The following WDFY3 variants were observed in gnomAD, a reference collection of about 807,000 sequenced individuals.
The protein encoded by WDFY3 is WD repeat and FYVE domain containing 3.
WDFY3 carries 66 observed loss-of-function variants against 409.6 expected under a neutral mutation model. The ratio of observed to expected loss-of-function variants is 0.16; its 90% CI spans 0.13 to 0.20. The LOEUF (loss-of-function observed/expected upper bound fraction) is 0.20. Among genes scored for constraint, WDFY3 ranks in the 10% least tolerant of loss-of-function variants. WDFY3 has a pLI of 1.00. For missense variants in WDFY3, 3,031 were observed against 4,298.1 expected (o/e 0.71, Z 8.24); for synonymous variants, 1,521 against 1,537.1 (o/e 0.99, Z 0.25).
intron 1 of WDFY3, among the ~76,000 whole-genome samples, chr4:84,936,351 T>C (rs931438664): frequency 2.6e-5 from 4 of 152,058 alleles, no homozygotes; most frequent in African/African-American, 7.2e-5. Flanking sequence ...TGAGACCCCA[T>C]CTCTACAAAA....
intron 5 of WDFY3, chr4:84,844,365 C>A: frequency 8.4e-7 from 1 of 1,188,188 alleles, no homozygotes; most frequent in Non-Finnish European, 1.1e-6. Context: ...AAAAATTCCA[C>A]AAGTTAGTCA....
intron 7 of WDFY3, among the ~76,000 whole-genome samples, chr4:84,836,462 G>C (rs935304609): frequency 2.0e-5 from 3 of 152,066 alleles, no homozygotes; most frequent in African/African-American, 7.2e-5. Flanking sequence ...TGCTAACAGT[G>C]GGAAAGAAGA....
intron 2 of WDFY3, among the ~76,000 whole-genome samples, chr4:84,920,528 C>T (rs1489470625): frequency 6.6e-6 from 1 of 152,050 alleles, no homozygotes; most frequent in Non-Finnish European, 1.5e-5. Context: ...GGACAAATGG[C>T]TAACAATAGA....
At chr4:84,838,818 C>A (rs890058081) in intron 6 of WDFY3, among the ~76,000 whole-genome samples, 1 of 152,174 alleles carries the variant, frequency 6.6e-6, no homozygotes, top group Non-Finnish European at 1.5e-5. Flanking sequence ...TCTACCCTCA[C>A]TTTCAAAATG....
At chr4:84,939,251 G>T (rs555187337) in intron 1 of WDFY3, among the ~76,000 whole-genome samples, 1 of 152,116 alleles carries the variant, frequency 6.6e-6, no homozygotes, top group Non-Finnish European at 1.5e-5. Context: ...TTAAATTCAG[G>T]TTATGCAGTC....
At chr4:84,692,861 A>T (rs778326104) in intron 59 of WDFY3, 24 bp downstream of exon 59, 18 of 1,571,362 alleles carry the variant, frequency 1.1e-5, no homozygotes, top group Non-Finnish European at 1.5e-5. Flanking sequence ...TCATTAATCA[A>T]AAGTTTATTT....
chr4:84,761,439 C>A (rs915081355), intron 32 of WDFY3, among the ~76,000 whole-genome samples: 16 of 152,080 alleles, frequency 1.1e-4, no homozygotes, highest in Non-Finnish European at 2.2e-4. Flanking sequence ...GTGTGGGAGT[C>A]TAAGTCTCTT....
Position 84,787,646 on chromosome 4 carries a change from T to G in WDFY3, c.3737A>C (p.Tyr1246Ser). The G allele has an allele frequency of 6.2e-7, 1 of 1,614,158 alleles. No homozygotes were observed. The highest frequency in any genetic ancestry group is 8.5e-7 in the Non-Finnish European group (1 of 1,180,000). ...GGCAGGTGGAGTACCAATGTAGGCA[T>G]AGACCGTGCTCACCACTGGTGGATT... ...SANPPVVSTV[Y>S]AYIGTPPAQR... The change falls in exon 23 of 68, where the codon TAT becomes TCT. Residue 1246 changes from tyrosine to serine, a missense_variant. Tyr to Ser is a moderately radical substitution (Grantham distance 144). Around this residue, in one of 16 missense-constraint regions of WDFY3, gnomAD observed 1,322 missense variants for 1,697.9 expected, o/e 0.78. Coordinates refer to ENST00000295888, the MANE Select transcript of WDFY3 (RefSeq NM_014991.6).
At chr4:84,789,256 A>G (rs1748064769) in intron 22 of WDFY3, among the ~76,000 whole-genome samples, 1 of 152,164 alleles carries the variant, frequency 6.6e-6, no homozygotes, top group Non-Finnish European at 1.5e-5. Context: ...TCATTCAAGA[A>G]ACAATAAACT....
Position 84,789,922 on chromosome 4 carries a change from G to A in WDFY3, c.3488-15C>T, listed in dbSNP as rs1055523025. 1 of 1,612,442 alleles carries A rather than the reference G, an allele frequency of 6.2e-7. No individual in the cohort carries two copies. Among genetic ancestry groups the A allele is most frequent in the Non-Finnish European group, 8.5e-7 (1 of 1,179,162 alleles). ...AAAATCATCAACTGAAATAAAGGGG[G>A]GAAGACATAAAAACTTTTTCCAACA... On this transcript the variant is annotated splice_polypyrimidine_tract_variant and intron_variant, in intron 21 of 67. Transcript: ENST00000295888.
At chr4:84,779,748 A>G (rs1746189456) in intron 26 of WDFY3, among the ~76,000 whole-genome samples, 1 of 152,226 alleles carries the variant, frequency 6.6e-6, no homozygotes. Context: ...CAATCCTTTC[A>G]GGAAGGGGGA....
intron 2 of WDFY3, among the ~76,000 whole-genome samples, chr4:84,925,708 C>G (rs1769886473): frequency 6.6e-6 from 1 of 152,040 alleles, no homozygotes; most frequent in African/African-American, 2.4e-5. Flanking sequence ...GTAATTAATA[C>G]AGTGGTCATG....
intron 13 of WDFY3, among the ~76,000 whole-genome samples, chr4:84,815,777 C>G (rs77163650): frequency 0.031 from 4,738 of 152,136 alleles, 220 homozygotes; most frequent in African/African-American, 0.11. Context: ...AAAGTTAATG[C>G]TGATCATTTA....
At chr4:84,842,481 A>G (rs1333965110) in intron 5 of WDFY3, among the ~76,000 whole-genome samples, 2 of 151,694 alleles carry the variant, frequency 1.3e-5, no homozygotes, top group African/African-American at 4.8e-5. Flanking sequence ...TGTCTCAAAA[A>G]AAAAAAAAGA....
intron 1 of WDFY3, among the ~76,000 whole-genome samples, chr4:84,961,021 C>A (rs1303686974): frequency 6.6e-6 from 1 of 152,026 alleles, no homozygotes; most frequent in East Asian, 1.9e-4. Flanking sequence ...TCGAGACCAG[C>A]CTGGCTAACA....
At chr4:84,695,744 G>A (rs962835493) in intron 58 of WDFY3, among the ~76,000 whole-genome samples, 1 of 152,046 alleles carries the variant, frequency 6.6e-6, no homozygotes, top group African/African-American at 2.4e-5. Context: ...AGCATACCCT[G>A]CATTAGTCTG....
intron 3 of WDFY3, among the ~76,000 whole-genome samples, chr4:84,862,551 A>T (rs1021174398): frequency 6.6e-6 from 1 of 152,214 alleles, no homozygotes; most frequent in South Asian, 2.1e-4. Context: ...ATTTGAAGTG[A>T]ACTATAAAAA....
chr4:84,851,012 C>G (rs1337407878), intron 4 of WDFY3, among the ~76,000 whole-genome samples: 1 of 112,302 alleles, frequency 8.9e-6, no homozygotes, highest in Admixed American at 1.3e-4. Context: ...GTCTTGAACT[C>G]CTGGGTTCAA....
chr4:84,697,174 T>C (rs1289656758), intron 56 of WDFY3, among the ~76,000 whole-genome samples: 1 of 152,204 alleles, frequency 6.6e-6, no homozygotes, highest in Non-Finnish European at 1.5e-5. Context: ...AAGAGGGATA[T>C]CAAACACAAA....
Sources: gnomAD v4.1 joint callset for allele counts (sites outside exome capture counted in the v4.1 genomes callset) on GRCh38, gnomAD v4.1.1 for gene constraint, gnomAD v4.1.1 regional missense constraint, MANE v1.5 for transcripts, NCBI Gene and HGNC (gene_info 2026-07-23, HGNC 2026-07-21) for gene names.